Variants in CACNA2D3 observed in about 807,000 individuals in gnomAD.
CACNA2D3 encodes the protein calcium voltage-gated channel auxiliary subunit alpha2delta 3, also known as voltage-dependent calcium channel subunit alpha-2/delta-3.
CACNA2D3 carries 60 observed loss-of-function variants against 160.6 expected under a neutral mutation model. The observed-to-expected ratio is 0.37, with a 90% CI of 0.30 to 0.46. The LOEUF (loss-of-function observed/expected upper bound fraction) is 0.46, where lower values mean the gene tolerates loss of function less well. Ranked by LOEUF, CACNA2D3 falls within the 20% of genes least tolerant of loss-of-function variation. The pLI is 1.00. For synonymous variants in CACNA2D3, 558 were observed against 492.9 expected (o/e 1.13, Z -1.75); for missense variants, 1,205 against 1,365.0 (o/e 0.88, Z 1.85).
chr3:54,968,545 A>G, intron 28 of CACNA2D3, 34 bp downstream of exon 28: 1 of 1,528,050 alleles, frequency 6.5e-7, no homozygotes, highest in South Asian at 1.2e-5. Flanking sequence ...AGCATTAGCG[A>G]CACTGTTATT....
intron 11 of CACNA2D3, among the ~76,000 whole-genome samples, chr3:54,729,469 G>A (rs1046005840): frequency 2.1e-5 from 3 of 140,408 alleles, no homozygotes; most frequent in Non-Finnish European, 4.7e-5. Context: ...TAAATTTATT[G>A]TAAGAGTTGC....
intron 2 of CACNA2D3, among the ~76,000 whole-genome samples, chr3:54,141,090 CGCGCGCGCGTGTGTGCA>C (rs1699923165): frequency 8.4e-6 from 1 of 118,484 alleles, no homozygotes; most frequent in South Asian, 2.9e-4. Flanking sequence ...TGTGTGTGCG[CGCGCGCGCGTGTGTGCA>C]TGCATGCCTG....
At chr3:54,705,795 G>A (rs997095836) in intron 11 of CACNA2D3, among the ~76,000 whole-genome samples, 5 of 152,160 alleles carry the variant, frequency 3.3e-5, no homozygotes, top group Non-Finnish European at 4.4e-5. Context: ...CTAACTTAAT[G>A]AGTTTTGATT....
At chr3:54,741,947 G>A (rs988151018) in intron 11 of CACNA2D3, among the ~76,000 whole-genome samples, 6 of 151,460 alleles carry the variant, frequency 4.0e-5, no homozygotes, top group African/African-American at 7.3e-5. Flanking sequence ...GGTGGATCTC[G>A]GCTCACTGCA....
chr3:54,811,930 C>G (rs1703330576), intron 13 of CACNA2D3, among the ~76,000 whole-genome samples: 1 of 152,208 alleles, frequency 6.6e-6, no homozygotes, highest in Non-Finnish European at 1.5e-5. Context: ...AATAATAGAG[C>G]TTACCTAATA....
chr3:55,064,466 A>AAC (rs1203179798), intron 35 of CACNA2D3, among the ~76,000 whole-genome samples: 29 of 152,100 alleles, frequency 1.9e-4, no homozygotes, highest in African/African-American at 6.5e-4. Flanking sequence ...GGTAGCTGGG[A>AAC]ACACCCTGGG....
chr3:54,697,964 A>T (rs1700694568), intron 11 of CACNA2D3, among the ~76,000 whole-genome samples: 1 of 152,192 alleles, frequency 6.6e-6, no homozygotes, highest in Non-Finnish European at 1.5e-5. Flanking sequence ...TTTTAAAATC[A>T]TGCACAATAT....
In CACNA2D3 at chr3:54,480,476, G is replaced by A. The variant is rs189052495; in HGVS notation, c.382-23016G>A. ...TTTACTGTCTTGGGTCATCACCAAC[G>A]TGATTTTTAGTTCCCCTGTAGTAGT... On this transcript the variant is annotated intron_variant, in intron 4 of 37. Coordinates refer to ENST00000474759, the MANE Select transcript of CACNA2D3 (RefSeq NM_018398.3). 2.6e-4 allele frequency among the ~76,000 whole-genome samples: 40 copies of A among 152,230 alleles called. 1 individual carries two copies. Among genetic ancestry groups the A allele is most frequent in the Non-Finnish European group, 4.9e-4 (33 of 68,018 alleles).
intron 8 of CACNA2D3, among the ~76,000 whole-genome samples, chr3:54,578,939 G>A (rs1231315458): frequency 6.6e-6 from 1 of 152,152 alleles, no homozygotes; most frequent in Non-Finnish European, 1.5e-5. Flanking sequence ...AGGTGAATTA[G>A]TGTATTCTTA....
chr3:54,725,539 G>A (rs745598839), intron 11 of CACNA2D3, among the ~76,000 whole-genome samples: 1 of 152,138 alleles, frequency 6.6e-6, no homozygotes, highest in Admixed American at 6.5e-5. Flanking sequence ...ACCAAATCTA[G>A]CAGCATATCA....
At chr3:54,214,077 G>A (rs1177705005) in intron 2 of CACNA2D3, among the ~76,000 whole-genome samples, 2 of 152,180 alleles carry the variant, frequency 1.3e-5, no homozygotes, top group Admixed American at 6.5e-5. Context: ...GTCAGGTCTT[G>A]TTGGCATGGG....
chr3:54,895,650 C>T (rs780822777), intron 25 of CACNA2D3, among the ~76,000 whole-genome samples: 6 of 152,210 alleles, frequency 3.9e-5, no homozygotes, highest in Non-Finnish European at 7.3e-5. Flanking sequence ...GGTGCCATTT[C>T]TGCTTCAACT....
chr3:54,817,494 C>T (rs1703482800), intron 14 of CACNA2D3, among the ~76,000 whole-genome samples: 1 of 152,188 alleles, frequency 6.6e-6, no homozygotes, highest in South Asian at 2.1e-4. Flanking sequence ...GTGTCACCCT[C>T]ATAGCATGTC....
chr3:54,707,575 C>A (rs2106957901), intron 11 of CACNA2D3, among the ~76,000 whole-genome samples: 1 of 152,104 alleles, frequency 6.6e-6, no homozygotes, highest in South Asian at 2.1e-4. Context: ...GGAAAGAGAT[C>A]CTGATTCTTT....
At chr3:54,994,552 CT>C (rs1380032401) in intron 31 of CACNA2D3, among the ~76,000 whole-genome samples, 1 of 152,220 alleles carries the variant, frequency 6.6e-6, no homozygotes, top group Non-Finnish European at 1.5e-5. Flanking sequence ...CCAAAAGCTG[CT>C]GCTTGAGCAT....
intron 2 of CACNA2D3, among the ~76,000 whole-genome samples, chr3:54,289,342 A>G (rs1254881562): frequency 2.6e-5 from 4 of 152,152 alleles, no homozygotes; most frequent in Non-Finnish European, 5.9e-5. Context: ...TAGGAATCCA[A>G]CTTACAAGGG....
intron 27 of CACNA2D3, among the ~76,000 whole-genome samples, chr3:54,943,602 C>T (rs1701533456): frequency 6.6e-6 from 1 of 151,970 alleles, no homozygotes; most frequent in African/African-American, 2.4e-5. Context: ...TAGAAAATCC[C>T]CTGGTCTTCT....
chr3:54,465,667 T>C (rs376616954), intron 4 of CACNA2D3, among the ~76,000 whole-genome samples: 1 of 152,138 alleles, frequency 6.6e-6, no homozygotes, highest in East Asian at 1.9e-4. Context: ...TGCGTACAGG[T>C]TGGTGCAAAA....
intron 3 of CACNA2D3, among the ~76,000 whole-genome samples, chr3:54,378,748 G>A (rs1305346323): frequency 1.3e-5 from 2 of 152,264 alleles, no homozygotes; most frequent in African/African-American, 2.4e-5. Flanking sequence ...GGCTCAAATC[G>A]AAGGTTGTCT....
Sources: gnomAD v4.1 joint callset for allele counts (sites outside exome capture counted in the v4.1 genomes callset) on GRCh38, gnomAD v4.1.1 for gene constraint, MANE v1.5 for transcripts, NCBI Gene and HGNC (gene_info 2026-07-23, HGNC 2026-07-21) for gene names.